KIRREL3: variants seen among roughly 807,000 people sequenced by gnomAD.
KIRREL3 encodes kirre like nephrin family adhesion molecule 3, also known as kin of IRRE-like protein 3.
A neutral mutation model predicts 89.7 loss-of-function variants in KIRREL3; 36 were observed. The ratio of observed to expected loss-of-function variants is 0.40; its 90% CI spans 0.31 to 0.53. The LOEUF is 0.53. KIRREL3 is among the 20% of genes least tolerant of loss of function. The pLI is 0.49. For synonymous variants in KIRREL3, 445 were observed against 441.4 expected, an observed-to-expected ratio of 1.01 and a Z score of -0.10; for missense variants, 864 against 1,056.6, an observed-to-expected ratio of 0.82 and a Z score of 2.53.
rs964061870 is a variant in KIRREL3 at position 126,459,659 on chromosome 11, T to A, written c.743-3205A>T. ...GCAGCTTTGATGTAGCTGGTGGAAC[T>A]GAGATCACATTGAACAGATGTTACA... On this transcript the variant is annotated intron_variant, in intron 6 of 16. Transcript: ENST00000525144. The surrounding 1 kb of genome is among the most constrained non-coding windows in gnomAD (Gnocchi z 4.8). Among the ~76,000 whole-genome samples the A allele has an allele frequency of 5.3e-5, 8 of 152,226 alleles. No individual in the cohort carries two copies. Among genetic ancestry groups the A allele is most frequent in the Admixed American group, 4.6e-4 (7 of 15,286 alleles).
chr11:126,690,120 T>A (rs1946822081), intron 1 of KIRREL3, among the ~76,000 whole-genome samples: 1 of 152,192 alleles, frequency 6.6e-6, no homozygotes, highest in Non-Finnish European at 1.5e-5. Context: ...CCTCCCCAGT[T>A]TCAGCTGCAC....
chr11:126,818,670 C>T (rs1951666688), intron 1 of KIRREL3, among the ~76,000 whole-genome samples: 1 of 150,884 alleles, frequency 6.6e-6, no homozygotes, highest in African/African-American at 2.4e-5. Flanking sequence ...GAAGAGGGAA[C>T]ATTAGACTTA....
At chr11:126,919,292 C>T (rs1253418777) in intron 1 of KIRREL3, among the ~76,000 whole-genome samples, 1 of 152,140 alleles carries the variant, frequency 6.6e-6, no homozygotes, top group Admixed American at 6.5e-5. Context: ...AGCTGGGCCC[C>T]TTGGTTAAAC....
chr11:126,745,867 G>C (rs4937182), intron 1 of KIRREL3, among the ~76,000 whole-genome samples: 9,115 of 152,244 alleles, frequency 0.06, 339 homozygotes, highest in Non-Finnish European at 0.078. Context: ...GCTTGGTGTT[G>C]GGCGTTTATC....
rs1197061313 is a variant in KIRREL3, at chr11:126,772,929, G to A, written c.56-210017C>T. Among the ~76,000 whole-genome samples the A allele has an allele frequency of 2.0e-5, 3 of 152,226 alleles. No homozygotes were observed. The highest frequency in any genetic ancestry group is 4.4e-5 in the Non-Finnish European group (3 of 68,036). On this transcript the variant is annotated intron_variant, in intron 1 of 16. Coordinates refer to ENST00000525144, the MANE Select transcript of KIRREL3 (RefSeq NM_032531.4). This position sits in a 1 kb window ranked among gnomAD's most constrained non-coding sequence, Gnocchi z 4.6. ...TGATTCTTACGGACATCAGGACTGAGGTCCTGGGGTTCTGTCATGTGGACT... is the reference window on the plus strand; with the variant it reads ...TGATTCTTACGGACATCAGGACTGAAGTCCTGGGGTTCTGTCATGTGGACT...
rs1387540858 is a variant in KIRREL3, at chr11:126,484,786, GA to G, written c.434-11321del. 1.3e-5 allele frequency among the ~76,000 whole-genome samples: 2 copies of G among 151,440 alleles called. No individual in the cohort carries two copies. The highest frequency in any genetic ancestry group is 2.9e-5 in the Non-Finnish European group (2 of 67,942). ...CCGCCTCCACTTAGGTCTATATTAA[GA>G]AGATGTGGGGCAAGATGCAAATGGG... On this transcript the variant is annotated intron_variant, in intron 4 of 16. Transcript: ENST00000525144. This position sits in a 1 kb window ranked among gnomAD's most constrained non-coding sequence, Gnocchi z 5.2.
intron 1 of KIRREL3, among the ~76,000 whole-genome samples, chr11:126,911,625 A>G (rs1425787678): frequency 1.3e-5 from 2 of 152,276 alleles, no homozygotes; most frequent in African/African-American, 4.8e-5. Context: ...GGAGGTGATA[A>G]GGAAGAGAAG....
Position 126,550,935 on chromosome 11 carries a change from A to G in KIRREL3, c.133+11900T>C, listed in dbSNP as rs1284947614. On this transcript the variant is annotated intron_variant, in intron 2 of 16. Transcript: ENST00000525144. The surrounding 1 kb of genome is among the most constrained non-coding windows in gnomAD (Gnocchi z 4.9). Reference sequence around the variant, plus strand: ...GGGCTCAGTCCCCAAGACTTCCCCCACACCCTGGCACCTGTCACAAGTTCA... The same window carrying G: ...GGGCTCAGTCCCCAAGACTTCCCCCGCACCCTGGCACCTGTCACAAGTTCA... Among the ~76,000 whole-genome samples, 1 of 152,060 alleles carries G rather than the reference A, an allele frequency of 6.6e-6. No homozygotes were observed. Among genetic ancestry groups the G allele is most frequent in the Non-Finnish European group, 1.5e-5 (1 of 68,008 alleles).
chr11:126,880,794 C>A (rs1217907010), intron 1 of KIRREL3, among the ~76,000 whole-genome samples: 1 of 151,936 alleles, frequency 6.6e-6, no homozygotes, highest in East Asian at 1.9e-4. Context: ...CAAAGAAGCC[C>A]CTGGGAAGGG....
At chr11:126,822,298 T>C (rs1943252002) in intron 1 of KIRREL3, among the ~76,000 whole-genome samples, 1 of 152,192 alleles carries the variant, frequency 6.6e-6, no homozygotes, top group Admixed American at 6.5e-5. Flanking sequence ...ATAAAGCACA[T>C]AGACTGGCCA....
chr11:126,854,919 C>T lies in KIRREL3; in HGVS notation c.55+145536G>A, dbSNP rs545745994. Among the ~76,000 whole-genome samples, 6 of 152,288 alleles carry T rather than the reference C, an allele frequency of 3.9e-5. No individual in the cohort carries two copies. The South Asian group carries it at 1.2e-3, about 32-fold the overall frequency. ...TCTACTTGGAATAACTAGCCACAGC[C>T]CTCGTTATAGTCCTTCACAGATATA... On this transcript the variant is annotated intron_variant, in intron 1 of 16. Coordinates refer to ENST00000525144, the MANE Select transcript of KIRREL3 (RefSeq NM_032531.4).
At position 126,752,770 on chromosome 11, in the gene KIRREL3, A is replaced by G. The variant is rs1000157966; in HGVS notation, c.56-189858T>C. Among the ~76,000 whole-genome samples, 2 of 152,222 alleles carry G rather than the reference A, an allele frequency of 1.3e-5. No individual in the cohort carries two copies. Among genetic ancestry groups the G allele is most frequent in the Admixed American group, 1.3e-4 (2 of 15,288 alleles). ...TTTCCCAAAGTGAAGAGCATGGAAA[A>G]AAACAATTGGTTTTGCATGTTTCCT... On this transcript the variant is annotated intron_variant, in intron 1 of 16. Coordinates refer to ENST00000525144, the MANE Select transcript of KIRREL3 (RefSeq NM_032531.4). This position sits in a 1 kb window ranked among gnomAD's most constrained non-coding sequence, Gnocchi z 4.8.
At chr11:126,984,869 G>A (rs1949818494) in intron 1 of KIRREL3, among the ~76,000 whole-genome samples, 1 of 152,132 alleles carries the variant, frequency 6.6e-6, no homozygotes, top group Admixed American at 6.5e-5. Context: ...CCTGGAGGAG[G>A]GAAATGGAAG....
intron 1 of KIRREL3, among the ~76,000 whole-genome samples, chr11:126,787,068 T>C (rs1946050): frequency 0.25 from 37,843 of 152,030 alleles, 4,784 homozygotes; most frequent in South Asian, 0.3. Context: ...CCTGCATTAA[T>C]GGCAAGGAAA....
chr11:126,455,633 A>C lies in KIRREL3; in HGVS notation c.848+716T>G, dbSNP rs1323456851. Among the ~76,000 whole-genome samples, 1 of 26,028 alleles carries C rather than the reference A, an allele frequency of 3.8e-5. No individual in the cohort carries two copies. Among genetic ancestry groups the C allele is most frequent in the Non-Finnish European group, 7.1e-5 (1 of 14,136 alleles). The allele number at this position is 26,028 out of a possible 152,430, so 17.1% of individuals were successfully genotyped here. On this transcript the variant is annotated intron_variant, in intron 7 of 16. Coordinates refer to ENST00000525144, the MANE Select transcript of KIRREL3 (RefSeq NM_032531.4). This position sits in a 1 kb window ranked among gnomAD's most constrained non-coding sequence, Gnocchi z 6.4. ...GAAACGCTGTCTCTACTAAAAATAC[A>C]AAAAAAAAAAAAAATTAGCTGGCGT...
rs1957021414 is a variant in KIRREL3 at position 126,474,863 on chromosome 11, C to G, written c.434-1397G>C. 6.6e-6 allele frequency among the ~76,000 whole-genome samples: 1 copy of G among 152,182 alleles called. No individual in the cohort carries two copies. Among genetic ancestry groups the G allele is most frequent in the Admixed American group, 6.5e-5 (1 of 15,286 alleles). On this transcript the variant is annotated intron_variant, in intron 4 of 16. Transcript: ENST00000525144. This position sits in a 1 kb window ranked among gnomAD's most constrained non-coding sequence, Gnocchi z 6.7. ...AGGCCCAGAAATCTGAAGTACCTTG[C>G]CTAGGACACAGGGCCTTTCCCATGC...
At chr11:126,789,557 G>A (rs1001689122) in intron 1 of KIRREL3, among the ~76,000 whole-genome samples, 3 of 152,030 alleles carry the variant, frequency 2.0e-5, no homozygotes, top group Admixed American at 2.0e-4. Context: ...ACTCTTTCTG[G>A]TTTTTACTCT....
At chr11:126,935,793 C>T (rs183642903) in intron 1 of KIRREL3, 12 of 152,272 alleles carry the variant, frequency 7.9e-5, no homozygotes, top group East Asian at 7.7e-4. Flanking sequence ...TTTGATACTA[C>T]GTGGTAGATG....
In KIRREL3 at chr11:126,576,143, T is replaced by C. The variant is rs1012640313; in HGVS notation, c.56-13231A>G. Among the ~76,000 whole-genome samples, 1 of 152,224 alleles carries C rather than the reference T, an allele frequency of 6.6e-6. No homozygotes were observed. The highest frequency in any genetic ancestry group is 1.5e-5 in the Non-Finnish European group (1 of 68,046). On this transcript the variant is annotated intron_variant, in intron 1 of 16. Transcript: ENST00000525144. This position sits in a 1 kb window ranked among gnomAD's most constrained non-coding sequence, Gnocchi z 5.4. Reference sequence around the variant, plus strand: ...ACTCTAATGTTCAACAGATTAATATTTGATTTAGCACTGTGTGTCCCTTCA... The same window carrying C: ...ACTCTAATGTTCAACAGATTAATATCTGATTTAGCACTGTGTGTCCCTTCA...
Sources: allele counts gnomAD v4.1 joint callset (sites outside exome capture counted in the v4.1 genomes callset), GRCh38; gene constraint gnomAD v4.1.1; non-coding constraint Gnocchi (gnomAD v3.1); transcripts MANE v1.5; gene names NCBI Gene and HGNC (gene_info 2026-07-23, HGNC 2026-07-21).